RFX2: variants seen among roughly 807,000 people sequenced by gnomAD.
RFX2 encodes DNA-binding protein RFX2.
Under a neutral mutation model 87.8 loss-of-function variants are expected in RFX2, and 20 were observed. That is an observed-to-expected ratio of 0.23 (90% confidence interval 0.16 to 0.33). RFX2 has a LOEUF of 0.33. Among genes scored for constraint, RFX2 ranks in the 10% least tolerant of loss-of-function variants. RFX2 has a pLI of 1.00. For synonymous variants in RFX2, 397 were observed against 431.3 expected, an observed-to-expected ratio of 0.92 and a Z score of 0.98; for missense variants, 767 against 1,012.3, an observed-to-expected ratio of 0.76 and a Z score of 3.29.
At chr19:6,067,754 A>G (rs749027657) in intron 1 of RFX2, among the ~76,000 whole-genome samples, 7 of 152,190 alleles carry the variant, frequency 4.6e-5, no homozygotes, top group Non-Finnish European at 1.0e-4. Flanking sequence ...ATCTTAAAAC[A>G]TTTTGATAGA....
In RFX2 at chr19:6,055,660, A is replaced by G. The variant is rs549901336; in HGVS notation, c.-8-8156T>C. 2.0e-5 allele frequency among the ~76,000 whole-genome samples: 3 copies of G among 152,262 alleles called. No individual in the cohort carries two copies. The East Asian group carries it at 5.8e-4, about 29-fold the overall frequency. Reference sequence around the variant, plus strand: ...GCTGGTCTCAAACTCCTGGGCTCAAATGATCTGCCCACCTCAGCCTTATTC... The same window carrying G: ...GCTGGTCTCAAACTCCTGGGCTCAAGTGATCTGCCCACCTCAGCCTTATTC... On this transcript the variant is annotated intron_variant, in intron 1 of 17. Transcript: ENST00000303657.
chr19:6,048,381 C>G (rs996427910), intron 1 of RFX2, among the ~76,000 whole-genome samples: 2 of 152,200 alleles, frequency 1.3e-5, no homozygotes, highest in African/African-American at 4.8e-5. Context: ...GCAGATGATA[C>G]AAATTTGTTC....
rs2086466998 is a variant in RFX2 at position 5,999,803 on chromosome 19, G to A, written c.1859+2012C>T. ...TGGGCCGTCTTATTTACAGAGGCTG[G>A]GGGTGAGGGATTTCTCTGCGGATGA... is the stretch of plus-strand genomic sequence containing the variant. On this transcript the variant is annotated intron_variant, in intron 15 of 17. Transcript: ENST00000303657. This position sits in a 1 kb window ranked among gnomAD's most constrained non-coding sequence, Gnocchi z 4.1. 6.6e-6 allele frequency among the ~76,000 whole-genome samples: 1 copy of A among 152,076 alleles called. No homozygotes were observed. The highest frequency in any genetic ancestry group is 2.1e-4 in the South Asian group (1 of 4,826).
intron 1 of RFX2, among the ~76,000 whole-genome samples, chr19:6,092,722 G>A (rs912869541): frequency 1.3e-5 from 2 of 151,844 alleles, no homozygotes; most frequent in African/African-American, 4.8e-5. Flanking sequence ...CCAGAGGAGG[G>A]GCCGGGGGAG....
rs1312914938 is a variant in RFX2 at position 6,016,330 on chromosome 19, A to G, written c.598-59T>C. Reference sequence around the variant, plus strand: ...AAGCCTGAGGAACGCTAACATGCCAACGTGGACTCATTAAGAGAATTACTT... The same window carrying G: ...AAGCCTGAGGAACGCTAACATGCCAGCGTGGACTCATTAAGAGAATTACTT... On this transcript the variant is annotated intron_variant, in intron 6 of 17. Coordinates refer to ENST00000303657, the MANE Select transcript of RFX2 (RefSeq NM_000635.4). The surrounding 1 kb of genome is among the most constrained non-coding windows in gnomAD (Gnocchi z 5.4). 1.1e-5 allele frequency: 14 copies of G among 1,249,646 alleles called. No homozygotes were observed. Among genetic ancestry groups the G allele is most frequent in the African/African-American group, 6.0e-5 (4 of 66,758 alleles). The allele number at this position is 1,249,646 out of a possible 1,614,324, so 77.4% of individuals were successfully genotyped here. A position where few individuals can be genotyped will look rare whatever the true frequency, so the allele number is the denominator to read the frequency against.
rs979700490 is a variant in RFX2 at position 5,995,501 on chromosome 19, G to A, written c.2056+100C>T. The A allele has an allele frequency of 1.3e-5, 16 of 1,219,236 alleles. No individual in the cohort carries two copies. The African/African-American group carries it at 1.3e-4, about 10-fold the overall frequency. 75.5% of individuals were successfully genotyped at this position (1,219,236 alleles called of 1,614,324 possible). Reference sequence around the variant, plus strand: ...GCCCTCACCCCCCAAGGGGCTGCCCGCATTTCCACCTGTTCATCATGAGAT... The same window carrying A: ...GCCCTCACCCCCCAAGGGGCTGCCCACATTTCCACCTGTTCATCATGAGAT... On this transcript the variant is annotated intron_variant, in intron 17 of 17. Transcript: ENST00000303657.
intron 1 of RFX2, among the ~76,000 whole-genome samples, chr19:6,103,104 A>T (rs1435306285): frequency 6.6e-6 from 1 of 152,232 alleles, no homozygotes; most frequent in East Asian, 1.9e-4. Flanking sequence ...TATGTAATAA[A>T]TGACAAATAA....
intron 10 of RFX2, 65 bp downstream of exon 10, chr19:6,008,041 G>T: frequency 8.1e-7 from 1 of 1,238,784 alleles, no homozygotes; most frequent in Non-Finnish European, 1.2e-6. Flanking sequence ...GGGACGCCTG[G>T]CCTGAGCGCT....
chr19:6,097,818 A>G (rs893858376), intron 1 of RFX2, among the ~76,000 whole-genome samples: 20 of 152,120 alleles, frequency 1.3e-4, no homozygotes, highest in Admixed American at 1.3e-3. Flanking sequence ...CCTGGCCTCA[A>G]GCTATCCTCC....
intron 1 of RFX2, among the ~76,000 whole-genome samples, chr19:6,066,187 T>C (rs1202897493): frequency 6.6e-6 from 1 of 152,024 alleles, no homozygotes; most frequent in Non-Finnish European, 1.5e-5. Flanking sequence ...ACAGGGCACT[T>C]TGTTAGTGGG....
At chr19:5,996,296 C>T (rs576471897) in intron 16 of RFX2, among the ~76,000 whole-genome samples, 7 of 152,286 alleles carry the variant, frequency 4.6e-5, no homozygotes, top group Non-Finnish European at 1.0e-4. Context: ...CCGTTCACGA[C>T]GGCCACAGAG....
chr19:6,037,350 T>C (rs76820960), intron 5 of RFX2, among the ~76,000 whole-genome samples: 2,363 of 146,200 alleles, frequency 0.016, 49 homozygotes, highest in African/African-American at 0.056. Context: ...GAGCCAAAAA[T>C]CAACCATTTT....
Position 6,008,098 on chromosome 19 carries a change from G to T in RFX2, c.1134+8C>A. ...GCAGGAGCTGCCTGCCTGGGCTGGGGCGGTCACCTCGCAGTGCCGTCTGTA... is the reference window on the plus strand; with the variant it reads ...GCAGGAGCTGCCTGCCTGGGCTGGGTCGGTCACCTCGCAGTGCCGTCTGTA... On this transcript the variant is annotated splice_region_variant and intron_variant, in intron 10 of 17. Transcript: ENST00000303657. 6.5e-7 allele frequency: 1 copy of T among 1,543,982 alleles called. No homozygotes were observed. Among genetic ancestry groups the T allele is most frequent in the South Asian group, 1.2e-5 (1 of 83,904 alleles).
chr19:6,018,595 G>T (rs2086763040), intron 6 of RFX2, among the ~76,000 whole-genome samples: 1 of 152,242 alleles, frequency 6.6e-6, no homozygotes, highest in Non-Finnish European at 1.5e-5. Flanking sequence ...TAAGTCTTGG[G>T]CTGGAGTTCA....
Position 6,039,980 on chromosome 19 carries a change from C to T in RFX2, c.522G>A (p.Thr174=), listed in dbSNP as rs2087082925. The T allele has an allele frequency of 1.9e-6, 3 of 1,568,302 alleles. No homozygotes were observed. Among genetic ancestry groups the T allele is most frequent in the Non-Finnish European group, 1.7e-6 (2 of 1,152,408 alleles). Residue 174 remains threonine (T), a splice_region_variant and synonymous_variant, in exon 5 of 18, where the codon ACG becomes ACA. Coordinates refer to ENST00000303657, the MANE Select transcript of RFX2 (RefSeq NM_000635.4). This position sits in a 1 kb window ranked among gnomAD's most constrained non-coding sequence, Gnocchi z 5.2. Reference sequence around the variant, plus strand: ...CTGGTCCCAAGAGCCTCCTACATACCGTGGCGGGCGATGAGCGGGAGGTGT... The same window carrying T: ...CTGGTCCCAAGAGCCTCCTACATACTGTGGCGGGCGATGAGCGGGAGGTGT... ...LAHTSRSSPA[T]LEMAIENLQK... is the part of the protein sequence containing the mutation.
chr19:6,083,284 G>C lies in RFX2; in HGVS notation c.-9+27109C>G, dbSNP rs1287902363. Among the ~76,000 whole-genome samples the C allele has an allele frequency of 2.0e-5, 3 of 152,144 alleles. No homozygotes were observed. Among genetic ancestry groups the C allele is most frequent in the Non-Finnish European group, 4.4e-5 (3 of 68,026 alleles). The stretch of plus-strand genomic sequence containing the variant: ...AAACATTGTGTATCTTGATGACTGT[G>C]GATTTTTGTAGGCACTGCCTTAAAT... On this transcript the variant is annotated intron_variant, in intron 1 of 17. Transcript: ENST00000303657. The surrounding 1 kb of genome is among the most constrained non-coding windows in gnomAD (Gnocchi z 4.6).
rs138158774 is a variant in RFX2, at chr19:6,043,734, A to G, written c.180+459T>C. On this transcript the variant is annotated intron_variant, in intron 3 of 17. Transcript: ENST00000303657. ...TAACCATGCTTCTAGAGTGTCCCCA[A>G]GCTGATGATCTGTGTTGCTACTTGG... Among the ~76,000 whole-genome samples, 932 of 152,362 alleles carry G rather than the reference A, an allele frequency of 6.1e-3. 7 individuals are homozygous for G. The highest frequency in any genetic ancestry group is 0.011 in the Non-Finnish European group (734 of 68,028).
intron 1 of RFX2, among the ~76,000 whole-genome samples, chr19:6,102,106 A>G (rs2088136351): frequency 6.6e-6 from 1 of 152,172 alleles, no homozygotes; most frequent in Non-Finnish European, 1.5e-5. Flanking sequence ...ACATGAAAAC[A>G]TGGGCCGCCC....
Position 5,993,608 on chromosome 19 carries a change from T to C in RFX2, c.*1227A>G, listed in dbSNP as rs2086364254. On this transcript the variant is annotated 3_prime_UTR_variant, in exon 18 of 18. Transcript: ENST00000303657. The stretch of plus-strand genomic sequence containing the variant: ...ACATTTTTCCAAAAAGAGAAAACTA[T>C]TGCATTTCGTTAGAAATCGCGTCCT... The C allele has an allele frequency of 6.6e-6, 1 of 152,240 alleles. No individual in the cohort carries two copies. The highest frequency in any genetic ancestry group is 2.1e-4 in the South Asian group (1 of 4,836). The allele number at this position is 152,240 out of a possible 1,614,324, so 9.4% of individuals were successfully genotyped here. A position where few individuals can be genotyped will look rare whatever the true frequency, so the allele number is the denominator to read the frequency against.
Sources: allele counts gnomAD v4.1 joint callset (sites outside exome capture counted in the v4.1 genomes callset), GRCh38; gene constraint gnomAD v4.1.1; non-coding constraint Gnocchi (gnomAD v3.1); transcripts MANE v1.5; gene names NCBI Gene and HGNC (gene_info 2026-07-23, HGNC 2026-07-21).